Variants in GMPS observed in about 807,000 individuals in gnomAD.
GMPS encodes the protein GMP synthase [glutamine-hydrolyzing].
In GMPS, 15 loss-of-function variants were observed where a neutral mutation model predicts 77.9. That is an observed-to-expected ratio of 0.19 (90% CI 0.13 to 0.30). The LOEUF is 0.30. GMPS is among the 10% of genes least tolerant of loss of function. GMPS has a pLI of 1.00. For synonymous variants in GMPS, 224 were observed against 275.9 expected, an observed-to-expected ratio of 0.81 and a Z score of 1.86; for missense variants, 590 against 838.8, an observed-to-expected ratio of 0.70 and a Z score of 3.66.
intron 1 of GMPS, among the ~76,000 whole-genome samples, chr3:155,880,547 T>C (rs945091204): frequency 1.3e-5 from 2 of 152,242 alleles, no homozygotes; most frequent in Non-Finnish European, 2.9e-5. Context: ...TCTTTAAGTA[T>C]GTAGTTGAGT....
In GMPS at chr3:155,935,018, T is replaced by C. The variant is rs139844459; in HGVS notation, c.1779T>C (p.Phe593=). The change falls in exon 14 of 16, where the codon TTT becomes TTC. Residue 593 remains phenylalanine, a synonymous_variant. Coordinates refer to ENST00000496455, the MANE Select transcript of GMPS (RefSeq NM_003875.3). ...GVLSTLRQAD[F]EAHNILRESG... is the part of the protein sequence containing the mutation. ...TCAGTACTTTACGCCAAGCTGATTT[T>C]GAGGCCCATAACATTCTCAGGGAGT... 5,971 of 1,609,180 alleles carry C rather than the reference T, an allele frequency of 3.7e-3. 148 individuals carry two copies. The African/African-American group carries it at 0.062, about 17-fold the overall frequency.
intron 5 of GMPS, among the ~76,000 whole-genome samples, chr3:155,908,835 T>G (rs1360728384): frequency 6.6e-6 from 1 of 152,060 alleles, no homozygotes; most frequent in Non-Finnish European, 1.5e-5. Context: ...AGCCTGGACT[T>G]TAGAGGAGAA....
chr3:155,888,052 T>C (rs1754377004), intron 1 of GMPS, among the ~76,000 whole-genome samples: 1 of 152,130 alleles, frequency 6.6e-6, no homozygotes, highest in Non-Finnish European at 1.5e-5. Context: ...CTCAGTAAAA[T>C]TGACCAACAT....
intron 1 of GMPS, among the ~76,000 whole-genome samples, chr3:155,876,675 A>C (rs892282247): frequency 6.6e-6 from 1 of 152,206 alleles, no homozygotes; most frequent in African/African-American, 2.4e-5. Flanking sequence ...CCATTTATAG[A>C]GCACATATTG....
At chr3:155,908,942 G>A (rs1404668615) in intron 5 of GMPS, among the ~76,000 whole-genome samples, 4 of 152,134 alleles carry the variant, frequency 2.6e-5, no homozygotes, top group African/African-American at 7.2e-5. Flanking sequence ...TTAGAAAAGA[G>A]ATTTAAGGGC....
intron 2 of GMPS, among the ~76,000 whole-genome samples, chr3:155,897,653 G>C (rs977556355): frequency 6.6e-6 from 1 of 152,146 alleles, no homozygotes; most frequent in African/African-American, 2.4e-5. Flanking sequence ...ATCACAGATA[G>C]AAACATTGGT....
chr3:155,897,352 G>C (rs1398636024), intron 2 of GMPS, among the ~76,000 whole-genome samples: 2 of 152,162 alleles, frequency 1.3e-5, no homozygotes, highest in African/African-American at 4.8e-5. Flanking sequence ...ATTTCTGAGA[G>C]CAGGGCATGT....
chr3:155,910,005 G>A (rs539605130), intron 5 of GMPS, among the ~76,000 whole-genome samples: 3 of 152,222 alleles, frequency 2.0e-5, no homozygotes, highest in Admixed American at 2.0e-4. Context: ...AGCACTTTGG[G>A]AGGCTGAGAT....
chr3:155,916,105 A>G lies in GMPS; in HGVS notation c.1125A>G (p.Glu375=). The G allele has an allele frequency of 6.2e-7, 1 of 1,613,120 alleles. No homozygotes were observed. Among genetic ancestry groups the G allele is most frequent in the Non-Finnish European group, 8.5e-7 (1 of 1,179,088 alleles). ...AQGTLRPDLI[E]SASLVASGKA... is the part of the protein sequence containing the mutation. ...GTACTTTACGGCCTGATCTAATTGA[A>G]AGTGCATCCCTTGTTGCAAGTGGCA... is the stretch of plus-strand genomic sequence containing the variant. Residue 375 remains glutamate, a synonymous_variant, in exon 9 of 16, where the codon GAA becomes GAG. Coordinates refer to ENST00000496455, the MANE Select transcript of GMPS (RefSeq NM_003875.3).
chr3:155,912,669 T>C (rs1237317687), intron 7 of GMPS, among the ~76,000 whole-genome samples: 3 of 152,202 alleles, frequency 2.0e-5, no homozygotes, highest in Non-Finnish European at 4.4e-5. Context: ...ATTTTTAGTA[T>C]CTTATTTGTT....
At position 155,922,181 on chromosome 3, in the gene GMPS, C is replaced by T. The variant is rs762900469; in HGVS notation, c.1319-6C>T. 76 of 1,254,018 alleles carry T rather than the reference C, an allele frequency of 6.1e-5. 1 individual carries two copies. The highest frequency in any genetic ancestry group is 8.1e-5 in the Non-Finnish European group (73 of 897,846). 77.7% of individuals were successfully genotyped at this position (1,254,018 alleles called of 1,614,324 possible). ...TGTTAAATACTATTATTACTCCTAC[C>T]TTTAGGTCCTGGCCTGGCAATCAGA... On this transcript the variant is annotated splice_region_variant and splice_polypyrimidine_tract_variant and intron_variant, in intron 10 of 15. Transcript: ENST00000496455.
Position 155,903,367 on chromosome 3 carries a change from C to G in GMPS, c.325-496C>G, listed in dbSNP as rs999653883. On this transcript the variant is annotated intron_variant, in intron 3 of 15. Coordinates refer to ENST00000496455, the MANE Select transcript of GMPS (RefSeq NM_003875.3). ...TGAAAGGCCAGATTTTCTTGCTTAT[C>G]CCATCTCTATAGCACAGCCTTCGGC... 1.7e-4 allele frequency among the ~76,000 whole-genome samples: 26 copies of G among 152,208 alleles called. 2 individuals are homozygous for G. The highest frequency in any genetic ancestry group is 1.4e-3 in the Admixed American group (22 of 15,280).
At chr3:155,881,219 G>A (rs1284298847) in intron 1 of GMPS, among the ~76,000 whole-genome samples, 7 of 144,088 alleles carry the variant, frequency 4.9e-5, no homozygotes, top group Admixed American at 3.7e-4. Flanking sequence ...GTTGCCCAGG[G>A]CGGAATGCAA....
intron 4 of GMPS, among the ~76,000 whole-genome samples, chr3:155,905,647 T>C (rs914935510): frequency 4.6e-5 from 7 of 152,156 alleles, no homozygotes; most frequent in African/African-American, 1.4e-4. Context: ...CTTTTGATTT[T>C]GTATCTCCCT....
At chr3:155,922,444 C>A in intron 11 of GMPS, 142 bp downstream of exon 11, 1 of 477,164 alleles carries the variant, frequency 2.1e-6, no homozygotes. Context: ...AGAAAATATT[C>A]CACAGATATT....
rs1479758375 is a variant in GMPS at position 155,916,094 on chromosome 3, G to C, written c.1114G>C (p.Asp372His). 6.2e-7 allele frequency: 1 copy of C among 1,613,102 alleles called. No homozygotes were observed. Reference protein sequence around the residue: ...VFLAQGTLRPDLIESASLVAS... With the variant: ...VFLAQGTLRPHLIESASLVAS... ...CCTTGCCCAAGGTACTTTACGGCCT[G>C]ATCTAATTGAAAGTGCATCCCTTGT... Residue 372 changes from aspartate (D) to histidine (H), a missense_variant, in exon 9 of 16, where the codon GAT (aspartate) becomes CAT (histidine). Physicochemically the swap from Asp to His is moderately conservative, Grantham distance 81. Coordinates refer to ENST00000496455, the MANE Select transcript of GMPS (RefSeq NM_003875.3).
At chr3:155,875,196 G>A (rs577627189) in intron 1 of GMPS, among the ~76,000 whole-genome samples, 90 of 151,828 alleles carry the variant, frequency 5.9e-4, no homozygotes, top group African/African-American at 2.1e-3. Context: ...GGGATTACAA[G>A]TGTGAACCAC....
In GMPS at chr3:155,870,848, C is replaced by T. The variant is rs138962852; in HGVS notation, c.-23C>T. On this transcript the variant is annotated 5_prime_UTR_variant, in exon 1 of 16. Coordinates refer to ENST00000496455, the MANE Select transcript of GMPS (RefSeq NM_003875.3). ...CCGTCTCGTACTGTCGCCGTCACCG[C>T]CGCGGCTCCGGCCCTGGCCCCGATG... 7.7e-3 allele frequency: 11,466 copies of T among 1,490,982 alleles called. 60 individuals are homozygous for T. The highest frequency in any genetic ancestry group is 0.012 in the South Asian group (954 of 80,638). The allele number at this position is 1,490,982 out of a possible 1,614,324, so 92.4% of individuals were successfully genotyped here. A position where few individuals can be genotyped will look rare whatever the true frequency, so the allele number is the denominator to read the frequency against.
rs538778720 is a variant in GMPS, at chr3:155,900,372, CT to C, written c.324+2343del. Among the ~76,000 whole-genome samples the C allele has an allele frequency of 4.7e-3, 612 of 130,764 alleles. 2 individuals are homozygous for C. Among genetic ancestry groups the C allele is most frequent in the African/African-American group, 0.01 (365 of 35,622 alleles). The allele number at this position is 130,764 out of a possible 152,430, so 85.8% of individuals were successfully genotyped here. ...TTGAATATTGGATATTGGCTGGCTT[CT>C]TTTTTTTTTTTGTCCCAAGGTGTAA... On this transcript the variant is annotated intron_variant, in intron 3 of 15. Coordinates refer to ENST00000496455, the MANE Select transcript of GMPS (RefSeq NM_003875.3).
Sources: allele counts gnomAD v4.1 joint callset (sites outside exome capture counted in the v4.1 genomes callset), GRCh38; gene constraint gnomAD v4.1.1; transcripts MANE v1.5; gene names NCBI Gene and HGNC (gene_info 2026-07-23, HGNC 2026-07-21).